The following SOS2 variants were observed in gnomAD, a reference collection of about 807,000 sequenced individuals.
SOS2 encodes son of sevenless homolog 2.
SOS2 carries 65 observed loss-of-function variants against 148.2 expected under a neutral mutation model. That is an observed-to-expected ratio of 0.44 (90% CI 0.36 to 0.54). The LOEUF (loss-of-function observed/expected upper bound fraction) is 0.54, where lower values mean the gene tolerates loss of function less well. SOS2 is among the 20% of genes least tolerant of loss of function. The probability of loss-of-function intolerance (pLI) is 0.00; values close to 1 mark genes in which losing one functional copy is unlikely to be tolerated. For missense variants in SOS2, 1,341 were observed against 1,590.2 expected (o/e 0.84, Z 2.67); for synonymous variants, 539 against 537.1 (o/e 1.00, Z -0.05).
intron 1 of SOS2, 21 bp downstream of exon 1, chr14:50,231,176 C>T (rs1887532796): frequency 1.5e-6 from 2 of 1,367,398 alleles, no homozygotes; most frequent in Admixed American, 2.3e-5. Flanking sequence ...ACCCGCCGGC[C>T]GCCCCGCCCC....
At chr14:50,200,212 C>G (rs1886444019) in intron 3 of SOS2, among the ~76,000 whole-genome samples, 1 of 151,966 alleles carries the variant, frequency 6.6e-6, no homozygotes, top group African/African-American at 2.4e-5. Flanking sequence ...AACCAGTATC[C>G]CCTAATTACA....
rs116936381 is a variant in SOS2, at chr14:50,127,438, G to A, written c.3379+2523C>T. On this transcript the variant is annotated intron_variant, in intron 21 of 22. Coordinates refer to ENST00000216373, the MANE Select transcript of SOS2 (RefSeq NM_006939.4). ...ATTACAGTCGTGAGCCACCGCGCCC[G>A]GCCCAGATCATGTTTTTATAACAAA... is the stretch of plus-strand genomic sequence containing the variant. Among the ~76,000 whole-genome samples the A allele has an allele frequency of 5.3e-3, 811 of 152,152 alleles. 39 individuals are homozygous for A. In the East Asian group the frequency reaches 0.099, roughly 19 times the overall value.
At position 50,177,235 on chromosome 14, in the gene SOS2, G is replaced by A. The variant is rs1885552886; in HGVS notation, c.970-2683C>T. ...CTCAAGAGGCTAAGGCAGGAGAATC[G>A]CTTTAACCCGGGAGGCGGAGGTTGC... On this transcript the variant is annotated intron_variant, in intron 7 of 22. Transcript: ENST00000216373. Among the ~76,000 whole-genome samples the A allele has an allele frequency of 2.6e-5, 4 of 151,908 alleles. No individual in the cohort carries two copies. The South Asian group carries it at 8.3e-4, about 32-fold the overall frequency.
At chr14:50,151,369 G>T (rs954550680) in intron 13 of SOS2, among the ~76,000 whole-genome samples, 4 of 152,240 alleles carry the variant, frequency 2.6e-5, no homozygotes, top group Non-Finnish European at 4.4e-5. Context: ...TCTGATTCAG[G>T]ATTAATTTTA....
intron 5 of SOS2, among the ~76,000 whole-genome samples, chr14:50,183,265 C>T (rs1229253033): frequency 6.6e-6 from 1 of 151,766 alleles, no homozygotes; most frequent in Non-Finnish European, 1.5e-5. Context: ...TATAAAATTC[C>T]AACCATTTTC....
At chr14:50,132,190 T>G (rs959719226) in intron 19 of SOS2, among the ~76,000 whole-genome samples, 3 of 151,790 alleles carry the variant, frequency 2.0e-5, no homozygotes, top group Admixed American at 6.6e-5. Flanking sequence ...GAGGTGGAAG[T>G]GTGGTCCAGT....
intron 12 of SOS2, among the ~76,000 whole-genome samples, chr14:50,154,539 C>A (rs1465720086): frequency 6.6e-6 from 1 of 152,042 alleles, no homozygotes; most frequent in African/African-American, 2.4e-5. Flanking sequence ...AAGTTCATAG[C>A]GGCTTTATTC....
At chr14:50,140,801 T>C (rs1286337794) in intron 16 of SOS2, among the ~76,000 whole-genome samples, 1 of 152,084 alleles carries the variant, frequency 6.6e-6, no homozygotes, top group African/African-American at 2.4e-5. Context: ...CTCCAATAAA[T>C]CTACATATAG....
intron 1 of SOS2, among the ~76,000 whole-genome samples, chr14:50,226,741 G>T (rs1887389956): frequency 6.6e-6 from 1 of 152,032 alleles, no homozygotes. Context: ...TGGCTAGCCT[G>T]GTGAAAAACA....
In SOS2 at chr14:50,133,242, C is replaced by T. The variant is rs369600391; in HGVS notation, c.3075+881G>A. On this transcript the variant is annotated intron_variant, in intron 19 of 22. Transcript: ENST00000216373. ...TTTCCATGAACTTTTTTTCTTTTTT[C>T]TTTTTTCTTTTTTTTTTTTTTTGAG... Among the ~76,000 whole-genome samples, 163 of 78,798 alleles carry T rather than the reference C, an allele frequency of 2.1e-3. 2 individuals are homozygous for T. The highest frequency in any genetic ancestry group is 4.5e-3 in the African/African-American group (97 of 21,344). 51.7% of individuals were successfully genotyped at this position (78,798 alleles called of 152,430 possible).
At chr14:50,228,256 C>G (rs1057124253) in intron 1 of SOS2, among the ~76,000 whole-genome samples, 2 of 151,956 alleles carry the variant, frequency 1.3e-5, no homozygotes, top group Non-Finnish European at 2.9e-5. Context: ...GCTGGCCAGG[C>G]TGGTCACGAA....
At chr14:50,229,178 T>A (rs538216609) in intron 1 of SOS2, among the ~76,000 whole-genome samples, 1 of 152,294 alleles carries the variant, frequency 6.6e-6, no homozygotes, top group South Asian at 2.1e-4. Context: ...CAAGTTGCAA[T>A]GTCCTAAATA....
At chr14:50,153,030 T>C in intron 13 of SOS2, 40 bp downstream of exon 13, 4 of 920,682 alleles carry the variant, frequency 4.3e-6, no homozygotes, top group Non-Finnish European at 6.8e-6. Context: ...CATAAACTCA[T>C]GTTCAATATA....
chr14:50,184,864 CAAAAAA>C lies in SOS2; in HGVS notation c.715-2264_715-2259del, dbSNP rs34039045. Among the ~76,000 whole-genome samples the C allele has an allele frequency of 1.2e-3, 70 of 57,128 alleles. 1 individual carries two copies. The highest frequency in any genetic ancestry group is 4.2e-3 in the African/African-American group (65 of 15,414). 37.5% of individuals were successfully genotyped at this position (57,128 alleles called of 152,430 possible). On this transcript the variant is annotated intron_variant, in intron 5 of 22. Coordinates refer to ENST00000216373, the MANE Select transcript of SOS2 (RefSeq NM_006939.4). ...GGGCAACAGAGCCAGACCCTGTCTC[CAAAAAA>C]AAAAAAAAAAAAAAAAAAAGGGCAG...
intron 8 of SOS2, among the ~76,000 whole-genome samples, chr14:50,165,240 T>C (rs532168840): frequency 6.6e-6 from 1 of 152,316 alleles, no homozygotes; most frequent in African/African-American, 2.4e-5. Context: ...TAGTGTATAT[T>C]CCAATTTTGC....
chr14:50,134,795 C>G (rs964352416), intron 18 of SOS2, among the ~76,000 whole-genome samples: 13 of 151,802 alleles, frequency 8.6e-5, no homozygotes, highest in Admixed American at 7.9e-4. Flanking sequence ...GATTATAGGC[C>G]GAGCACGGTG....
intron 2 of SOS2, among the ~76,000 whole-genome samples, chr14:50,201,877 A>G (rs531729253): frequency 2.6e-3 from 390 of 152,314 alleles, no homozygotes; most frequent in Non-Finnish European, 4.2e-3. Flanking sequence ...AATGGGTGAG[A>G]GAGCTCAGAA....
Position 50,159,544 on chromosome 14 carries a change from G to C in SOS2, c.1739C>G (p.Ser580Cys). ...GTCTTCAAAAACAATGTTTTCCTCA[G>C]AGTCTTTTACTACAAAACGATATAC... ...PEVYRFVVKD[S>C]EENIVFEDNL... The change falls in exon 10 of 23, where the codon TCT becomes TGT. Residue 580 changes from serine to cysteine, a missense_variant. By Grantham distance (112) the Ser-to-Cys change is moderately radical (BLOSUM62 -1). Coordinates refer to ENST00000216373, the MANE Select transcript of SOS2 (RefSeq NM_006939.4). The C allele has an allele frequency of 1.9e-6, 3 of 1,613,626 alleles. No homozygotes were observed. The highest frequency in any genetic ancestry group is 2.5e-6 in the Non-Finnish European group (3 of 1,179,716).
At chr14:50,217,763 T>A (rs1887076809) in intron 1 of SOS2, among the ~76,000 whole-genome samples, 1 of 151,486 alleles carries the variant, frequency 6.6e-6, no homozygotes. Flanking sequence ...AAGACCATCC[T>A]GGCTAACATG....
Sources: allele counts gnomAD v4.1 joint callset (sites outside exome capture counted in the v4.1 genomes callset), GRCh38; gene constraint gnomAD v4.1.1; transcripts MANE v1.5; gene names NCBI Gene and HGNC (gene_info 2026-07-23, HGNC 2026-07-21).